The following CMIP variants were observed in gnomAD, a reference collection of about 807,000 sequenced individuals.
The protein encoded by CMIP is c-Maf inducing protein, also known as C-Maf-inducing protein.
CMIP carries 13 observed loss-of-function variants against 97.3 expected under a neutral mutation model. The ratio of observed to expected loss-of-function variants is 0.13; its 90% confidence interval spans 0.09 to 0.21. The LOEUF is 0.21. Among genes scored for constraint, CMIP ranks in the 10% least tolerant of loss-of-function variants. CMIP has a pLI of 1.00. For synonymous variants in CMIP, 538 were observed against 436.3 expected (o/e 1.23, Z -2.91); for missense variants, 847 against 1,024.9 (o/e 0.83, Z 2.37).
chr16:81,505,255 T>C (rs369612457), intron 1 of CMIP, among the ~76,000 whole-genome samples: 1 of 152,116 alleles, frequency 6.6e-6, no homozygotes, highest in Admixed American at 6.5e-5. Flanking sequence ...ACCTATAATT[T>C]ATAGGGGTGG....
At chr16:81,548,694 A>G (rs1300160501) in intron 1 of CMIP, among the ~76,000 whole-genome samples, 1 of 151,984 alleles carries the variant, frequency 6.6e-6, no homozygotes, top group African/African-American at 2.4e-5. Context: ...AAAAAGAAAA[A>G]AAAAAGCCAG....
At chr16:81,496,633 G>T (rs543331203) in intron 1 of CMIP, among the ~76,000 whole-genome samples, 1 of 152,208 alleles carries the variant, frequency 6.6e-6, no homozygotes, top group Non-Finnish European at 1.5e-5. Flanking sequence ...TTTTGTGCAC[G>T]TGCTTCCAGG....
chr16:81,501,146 A>T (rs1380041311), intron 1 of CMIP, among the ~76,000 whole-genome samples: 1 of 152,256 alleles, frequency 6.6e-6, no homozygotes, highest in Non-Finnish European at 1.5e-5. Context: ...GTTTTCCTGG[A>T]GAACGCAGTA....
intron 10 of CMIP, among the ~76,000 whole-genome samples, chr16:81,688,029 C>T (rs1905611032): frequency 6.6e-6 from 1 of 152,266 alleles, no homozygotes; most frequent in Non-Finnish European, 1.5e-5. Flanking sequence ...GCAGGCAGCG[C>T]AGAGCGAATT....
At chr16:81,498,098 G>C (rs2089526003) in intron 1 of CMIP, among the ~76,000 whole-genome samples, 2 of 152,374 alleles carry the variant, frequency 1.3e-5, no homozygotes, top group South Asian at 4.1e-4. Flanking sequence ...TCTGAGGACA[G>C]AGGTCAGACC....
At chr16:81,607,734 T>C (rs778909142) in intron 2 of CMIP, 42 bp downstream of exon 2, 1 of 1,603,698 alleles carries the variant, frequency 6.2e-7, no homozygotes, top group Non-Finnish European at 8.5e-7. Context: ...TTCTCCCTCA[T>C]CTTCATGCAC....
chr16:81,537,494 C>T (rs151124389), intron 1 of CMIP, among the ~76,000 whole-genome samples: 192 of 145,946 alleles, frequency 1.3e-3, no homozygotes, highest in African/African-American at 4.7e-3. Flanking sequence ...AAGATTGCAC[C>T]ACCGTACTCC....
At chr16:81,494,512 G>T (rs1452599803) in intron 1 of CMIP, among the ~76,000 whole-genome samples, 1 of 152,190 alleles carries the variant, frequency 6.6e-6, no homozygotes, top group Non-Finnish European at 1.5e-5. Flanking sequence ...CCACCTTGGG[G>T]TGTAAGCGGA....
chr16:81,495,855 TC>T (rs143977525), intron 1 of CMIP, among the ~76,000 whole-genome samples: 29,559 of 151,956 alleles, frequency 0.19, 3,529 homozygotes, highest in Admixed American at 0.31. Context: ...TCCACCTCAT[TC>T]CCCCAACTAG....
At chr16:81,507,276 G>A (rs149961815) in intron 1 of CMIP, among the ~76,000 whole-genome samples, 2 of 152,182 alleles carry the variant, frequency 1.3e-5, no homozygotes, top group Non-Finnish European at 2.9e-5. Flanking sequence ...AAGATCATCT[G>A]CCCAGCCTTG....
chr16:81,490,458 A>G (rs1203662248), intron 1 of CMIP, among the ~76,000 whole-genome samples: 2 of 152,160 alleles, frequency 1.3e-5, no homozygotes, highest in Non-Finnish European at 2.9e-5. Flanking sequence ...TGTCTCCACT[A>G]AAAATACAAA....
chr16:81,610,715 G>T (rs1006862904), intron 2 of CMIP, among the ~76,000 whole-genome samples: 17 of 152,138 alleles, frequency 1.1e-4, no homozygotes, highest in Admixed American at 1.0e-3. Flanking sequence ...AACAGGGCTA[G>T]CGAGTCTGTG....
chr16:81,639,971 G>T (rs373965007), intron 3 of CMIP, among the ~76,000 whole-genome samples: 2 of 152,152 alleles, frequency 1.3e-5, no homozygotes, highest in African/African-American at 4.8e-5. Flanking sequence ...TGCTGGTGTC[G>T]GCTGATGTAC....
At chr16:81,682,171 TC>T (rs1399020994) in intron 10 of CMIP, among the ~76,000 whole-genome samples, 1 of 151,872 alleles carries the variant, frequency 6.6e-6, no homozygotes, top group East Asian at 1.9e-4. Context: ...ACTGCTGCAC[TC>T]CAAGCTGGGT....
At chr16:81,507,023 T>C (rs147246826) in intron 1 of CMIP, among the ~76,000 whole-genome samples, 2,190 of 151,212 alleles carry the variant, frequency 0.014, 52 homozygotes, top group African/African-American at 0.051. Context: ...GAGGCCGAGG[T>C]AGGTGGATCA....
chr16:81,640,737 C>CGT (rs1567627570), intron 3 of CMIP, among the ~76,000 whole-genome samples: 1 of 75,980 alleles, frequency 1.3e-5, no homozygotes, highest in Admixed American at 1.2e-4. Context: ...CTCTCTGGAG[C>CGT]ATGTGTGTGT....
chr16:81,605,232 G>C (rs1376523261), intron 1 of CMIP, among the ~76,000 whole-genome samples: 1 of 152,210 alleles, frequency 6.6e-6, no homozygotes, highest in African/African-American at 2.4e-5. Context: ...CCACGAGTGT[G>C]ACTTTGAGGC....
chr16:81,649,351 G>A (rs371405331), intron 3 of CMIP, among the ~76,000 whole-genome samples: 14 of 152,360 alleles, frequency 9.2e-5, no homozygotes, highest in Middle Eastern at 3.4e-3. Flanking sequence ...TGGGTGTACC[G>A]ACCCCGAGGG....
intron 1 of CMIP, among the ~76,000 whole-genome samples, chr16:81,604,257 G>A (rs540804149): frequency 1.9e-3 from 292 of 151,606 alleles, no homozygotes; most frequent in African/African-American, 6.8e-3. Context: ...TTAGCTGGGC[G>A]TGGTGGCGCA....
Sources: gnomAD v4.1 joint callset for allele counts (sites outside exome capture counted in the v4.1 genomes callset) on GRCh38, gnomAD v4.1.1 for gene constraint, MANE v1.5 for transcripts, NCBI Gene and HGNC (gene_info 2026-07-23, HGNC 2026-07-21) for gene names.